Variants in ECPAS observed in about 807,000 individuals in gnomAD.
ECPAS encodes the protein proteasome adapter and scaffold protein ECM29.
In ECPAS, 70 loss-of-function variants were observed where a neutral mutation model predicts 255.1. The ratio of observed to expected loss-of-function variants is 0.27; its 90% CI spans 0.23 to 0.33. The LOEUF is 0.33. Among genes scored for constraint, ECPAS ranks in the 10% least tolerant of loss-of-function variants. The pLI, the probability that ECPAS is intolerant of heterozygous loss-of-function variation, is 1.00. For missense variants in ECPAS, 1,817 were observed against 2,206.4 expected (o/e 0.82, Z 3.54); for synonymous variants, 784 against 775.0 (o/e 1.01, Z -0.19).
At chr9:111,480,230 G>A (rs996837616) in intron 1 of ECPAS, among the ~76,000 whole-genome samples, 20 of 147,878 alleles carry the variant, frequency 1.4e-4, no homozygotes, top group Admixed American at 1.0e-3. Flanking sequence ...AGTCATAAAT[G>A]ATAGAAAATA....
chr9:111,441,191 A>T (rs976594526), intron 5 of ECPAS, among the ~76,000 whole-genome samples: 3 of 150,774 alleles, frequency 2.0e-5, no homozygotes, highest in East Asian at 2.0e-4. Context: ...AAAATAAAAA[A>T]TAAAAATTAA....
At chr9:111,442,021 T>G (rs2098246649) in intron 5 of ECPAS, among the ~76,000 whole-genome samples, 1 of 152,204 alleles carries the variant, frequency 6.6e-6, no homozygotes. Flanking sequence ...AATTCTAATT[T>G]TTGCAATCAC....
chr9:111,392,110 C>T (rs1440123820), intron 28 of ECPAS, among the ~76,000 whole-genome samples: 1 of 151,980 alleles, frequency 6.6e-6, no homozygotes, highest in Non-Finnish European at 1.5e-5. Flanking sequence ...CATGGTGGCA[C>T]GCGCCTGTAG....
rs1192005470 is a variant in ECPAS at position 111,472,814 on chromosome 9, G to A, written c.22+83C>T. ...AAAAAAAACATGAAGATCTTGGGGG[G>A]AAATTGCTACCTGATAACCTATGCA... On this transcript the variant is annotated intron_variant, in intron 2 of 49. Transcript: ENST00000684092. The A allele has an allele frequency of 1.4e-5, 4 of 283,156 alleles. No individual in the cohort carries two copies. The East Asian group carries it at 4.3e-4, about 30-fold the overall frequency. 17.5% of individuals were successfully genotyped at this position (283,156 alleles called of 1,614,324 possible). A position where few individuals can be genotyped will look rare whatever the true frequency, so the allele number is the denominator to read the frequency against.
intron 29 of ECPAS, among the ~76,000 whole-genome samples, chr9:111,390,723 C>G (rs1474857904): frequency 1.3e-5 from 2 of 152,144 alleles, no homozygotes; most frequent in Non-Finnish European, 2.9e-5. Flanking sequence ...GAAGCAGGCT[C>G]GTGTGTGACA....
chr9:111,466,652 C>CACACACACCT (rs1470820218), intron 2 of ECPAS, among the ~76,000 whole-genome samples: 3 of 151,298 alleles, frequency 2.0e-5, no homozygotes, highest in African/African-American at 7.3e-5. Flanking sequence ...CACACACACA[C>CACACACACCT]ACACGTTTTT....
At chr9:111,411,181 T>C (rs1048219229) in intron 21 of ECPAS, 39 bp from the exon 22 acceptor site, 6 of 1,601,810 alleles carry the variant, frequency 3.7e-6, no homozygotes, top group Non-Finnish European at 5.1e-6. Context: ...TCTGGCTCTC[T>C]CTCATATACG....
At chr9:111,475,509 C>A (rs1294397801) in intron 1 of ECPAS, among the ~76,000 whole-genome samples, 1 of 152,180 alleles carries the variant, frequency 6.6e-6, no homozygotes, top group African/African-American at 2.4e-5. Context: ...CCGAGGCAGG[C>A]AGATCACTTG....
At chr9:111,366,391 T>A in intron 47 of ECPAS, 64 bp from the exon 48 acceptor site, 1 of 1,380,178 alleles carries the variant, frequency 7.2e-7, no homozygotes, top group Non-Finnish European at 1.0e-6. Context: ...AACTTTCCTG[T>A]CACAATTTCT....
At chr9:111,433,125 T>C (rs2098232568) in intron 8 of ECPAS, 108 bp downstream of exon 8, 1 of 1,109,264 alleles carries the variant, frequency 9.0e-7, no homozygotes, top group East Asian at 2.4e-5. Context: ...AATAATCTCC[T>C]CTAAGTTGAA....
At chr9:111,421,521 G>A (rs1216360658) in intron 15 of ECPAS, among the ~76,000 whole-genome samples, 1 of 151,638 alleles carries the variant, frequency 6.6e-6, no homozygotes, top group Non-Finnish European at 1.5e-5. Flanking sequence ...GAGCATGTAT[G>A]ATAGTACTGG....
At position 111,386,378 on chromosome 9, in the gene ECPAS, TG is replaced by T; in HGVS notation, c.3525del (p.Ser1176AlafsTer3). The T allele has an allele frequency of 6.3e-7, 1 of 1,578,890 alleles. No homozygotes were observed. Among genetic ancestry groups the T allele is most frequent in the Non-Finnish European group, 8.7e-7 (1 of 1,152,246 alleles). ...LTSNMWRVRE[S>X]SCLALNDLLR... is the part of the protein sequence containing the mutation. ...AACTTATATTCCTAAAAACGGTACC[TG>T]GATTCTCGAACTCGCCACATATTGC... On this transcript the variant is annotated frameshift_variant and splice_region_variant, in exon 32 of 50. Coordinates refer to ENST00000684092, the MANE Select transcript of ECPAS (RefSeq NM_001364929.1). LOFTEE classifies it high-confidence loss of function.
chr9:111,367,223 G>C (rs1463531826), intron 46 of ECPAS, among the ~76,000 whole-genome samples: 3 of 152,156 alleles, frequency 2.0e-5, no homozygotes, highest in Admixed American at 1.3e-4. Flanking sequence ...GTAGGATTTA[G>C]TAGGGCTCAA....
At chr9:111,415,228 C>CAT (rs2098201389) in intron 18 of ECPAS, among the ~76,000 whole-genome samples, 1 of 126,830 alleles carries the variant, frequency 7.9e-6, no homozygotes, top group African/African-American at 2.7e-5. Flanking sequence ...TTTTAAAAGC[C>CAT]GTGTGTGTGT....
chr9:111,452,343 C>T (rs1441167809), intron 2 of ECPAS, among the ~76,000 whole-genome samples: 1 of 152,150 alleles, frequency 6.6e-6, no homozygotes, highest in Admixed American at 6.6e-5. Flanking sequence ...ATATTTCGAT[C>T]TGCGTGATTA....
At chr9:111,414,930 G>C (rs1467569113) in intron 18 of ECPAS, among the ~76,000 whole-genome samples, 1 of 152,096 alleles carries the variant, frequency 6.6e-6, no homozygotes, top group African/African-American at 2.4e-5. Flanking sequence ...ACTAACGCAG[G>C]AACAGAAAAT....
intron 39 of ECPAS, 42 bp from the exon 40 acceptor site, chr9:111,373,448 CAAATGTT>C (rs1564498677): frequency 6.5e-7 from 1 of 1,532,748 alleles, no homozygotes; most frequent in Non-Finnish European, 9.0e-7. Flanking sequence ...CTTGGTTGAC[CAAATGTT>C]CCACTCTGTT....
In ECPAS at chr9:111,370,594, G is replaced by C. The variant is rs1212478927; in HGVS notation, c.4815C>G (p.Pro1605=). 1 of 1,610,890 alleles carries C rather than the reference G, an allele frequency of 6.2e-7. No individual in the cohort carries two copies. Among genetic ancestry groups the C allele is most frequent in the East Asian group, 2.2e-5 (1 of 44,734 alleles). The stretch of plus-strand genomic sequence containing the variant: ...CAGCTTGAAGAATTTCATTTGTGCT[G>C]GGTTGATTGGGCACAGACTTTTCCA... ...AELEKSVPNQ[P]STNEILQAVL... Residue 1605 remains proline, a synonymous_variant, in exon 45 of 50, where the codon CCC becomes CCG. Transcript: ENST00000684092.
At chr9:111,442,689 C>G (rs972047311) in intron 4 of ECPAS, among the ~76,000 whole-genome samples, 5 of 152,130 alleles carry the variant, frequency 3.3e-5, no homozygotes, top group Non-Finnish European at 5.9e-5. Flanking sequence ...TATGCAATTT[C>G]TTATCATGAA....
Sources: gnomAD v4.1 joint callset for allele counts (sites outside exome capture counted in the v4.1 genomes callset) on GRCh38, gnomAD v4.1.1 for gene constraint, MANE v1.5 for transcripts, NCBI Gene and HGNC (gene_info 2026-07-23, HGNC 2026-07-21) for gene names.